Variants in TBL1X observed in about 807,000 individuals in gnomAD.
TBL1X encodes F-box-like/WD repeat-containing protein TBL1X.
In TBL1X, 10 loss-of-function variants were observed where a neutral mutation model predicts 50.7. That is an observed-to-expected ratio of 0.20 (90% confidence interval 0.12 to 0.33). The LOEUF (loss-of-function observed/expected upper bound fraction) is 0.33. TBL1X is among the 10% of genes least tolerant of loss of function. TBL1X has a pLI of 1.00. For missense variants in TBL1X, 340 were observed against 504.4 expected (o/e 0.67, Z 3.12); for synonymous variants, 190 against 214.7 (o/e 0.88, Z 1.01).
chrX:9,601,187 C>T (rs2082554742), intron 2 of TBL1X, among the ~76,000 whole-genome samples: 2 of 111,429 alleles, frequency 1.8e-5, no homozygotes, highest in Admixed American at 1.9e-4. Flanking sequence ...ACACTGCCCC[C>T]TTTTTCCAGC....
intron 5 of TBL1X, among the ~76,000 whole-genome samples, chrX:9,678,320 G>C (rs1029518278): frequency 1.8e-5 from 2 of 111,519 alleles, no homozygotes; most frequent in Non-Finnish European, 3.8e-5. Context: ...TGTGGTCTCT[G>C]TTGCACCTAC....
At chrX:9,669,054 G>C (rs1569092821) in intron 5 of TBL1X, among the ~76,000 whole-genome samples, 1 of 111,850 alleles carries the variant, frequency 8.9e-6, no homozygotes, top group Non-Finnish European at 1.9e-5. Context: ...GAAAAATTAT[G>C]TTTCAAAAAA....
chrX:9,710,219 A>G (rs1172918507), intron 15 of TBL1X, among the ~76,000 whole-genome samples: 1 of 51,181 alleles, frequency 2.0e-5, no homozygotes, highest in Non-Finnish European at 3.8e-5. Flanking sequence ...CATGTCTCAA[A>G]AAAAAAAAAA....
In TBL1X at chrX:9,627,765, C is replaced by T. The variant is rs150850323; in HGVS notation, c.-130-12508C>T. On this transcript the variant is annotated intron_variant, in intron 2 of 17. Transcript: ENST00000645353. ...CTTTCGTCTAAAACAATGAGAGCAC[C>T]CAACATGAAGCCAGGACTTGGGGTT... Among the ~76,000 whole-genome samples, 15 of 112,029 alleles carry T rather than the reference C, an allele frequency of 1.3e-4. No individual in the cohort carries two copies. The East Asian group carries it at 4.2e-3, about 32-fold the overall frequency.
At chrX:9,486,239 CTT>C (rs112431017) in intron 1 of TBL1X, among the ~76,000 whole-genome samples, 1 of 101,682 alleles carries the variant, frequency 9.8e-6, no homozygotes, top group Non-Finnish European at 2.0e-5. Flanking sequence ...TTGATAATAG[CTT>C]TTTTTTTTTT....
chrX:9,577,690 G>A (rs1010763740), intron 2 of TBL1X, among the ~76,000 whole-genome samples: 1 of 111,798 alleles, frequency 8.9e-6, no homozygotes, highest in African/African-American at 3.3e-5. Flanking sequence ...TTTCTATTCC[G>A]AAGACCAGCA....
At chrX:9,646,961 A>G (rs951570593) in intron 3 of TBL1X, among the ~76,000 whole-genome samples, 1 of 111,702 alleles carries the variant, frequency 9.0e-6, no homozygotes, top group African/African-American at 3.3e-5. Flanking sequence ...GTCCTTAACT[A>G]CCAGCACCAG....
At chrX:9,536,517 T>G (rs1428803310) in intron 2 of TBL1X, among the ~76,000 whole-genome samples, 1 of 111,643 alleles carries the variant, frequency 9.0e-6, no homozygotes, top group Admixed American at 9.5e-5. Flanking sequence ...CCGAAAGTGC[T>G]GGGATTACAG....
At position 9,709,140 on chromosome X, in the gene TBL1X, C is replaced by T. The variant is rs867375134; in HGVS notation, c.1237-108C>T. 122 of 760,899 alleles carry T rather than the reference C, an allele frequency of 1.6e-4. 1 individual carries two copies. In the Middle Eastern group the frequency reaches 6.9e-3, roughly 43 times the overall value. The allele number at this position is 760,899 out of a possible 1,213,427, so 62.7% of individuals were successfully genotyped here. ...GTGCCCTTTGATGTCAGGCTGAAGCCGAAGACCTTCTGCAGCGCCGGTGGC... is the reference window on the plus strand; with the variant it reads ...GTGCCCTTTGATGTCAGGCTGAAGCTGAAGACCTTCTGCAGCGCCGGTGGC... On this transcript the variant is annotated intron_variant, in intron 13 of 17. Coordinates refer to ENST00000645353, the MANE Select transcript of TBL1X (RefSeq NM_005647.4).
intron 2 of TBL1X, among the ~76,000 whole-genome samples, chrX:9,556,277 G>A (rs1316207801): frequency 9.0e-6 from 1 of 110,941 alleles, no homozygotes; most frequent in African/African-American, 3.3e-5. Flanking sequence ...AGAATGCAGT[G>A]GTGGGGGAGA....
chrX:9,711,690 C>G lies in TBL1X; in HGVS notation c.1519C>G (p.Pro507Ala). ...CTHTLTKHQE[P>A]VYSVAFSPDG... ...CCACACGCTCACGAAGCATCAGGAG[C>G]CTGTCTATAGCGTAGCTTTCAGCCC... Residue 507 changes from proline (P) to alanine (A), a missense_variant, in exon 16 of 18, where the codon CCT becomes GCT. Pro to Ala is a conservative substitution (Grantham distance 27). Coordinates refer to ENST00000645353, the MANE Select transcript of TBL1X (RefSeq NM_005647.4). 1 of 1,210,466 alleles carries G rather than the reference C, an allele frequency of 8.3e-7. No individual in the cohort carries two copies. The highest frequency in any genetic ancestry group is 1.8e-5 in the South Asian group (1 of 56,876).
chrX:9,603,516 C>T (rs577363491), intron 2 of TBL1X, among the ~76,000 whole-genome samples: 1 of 111,832 alleles, frequency 8.9e-6, no homozygotes, highest in South Asian at 3.8e-4. Flanking sequence ...CACAGAACAC[C>T]GAGGGACACG....
At chrX:9,660,712 G>C (rs1023453528) in intron 5 of TBL1X, among the ~76,000 whole-genome samples, 1 of 112,363 alleles carries the variant, frequency 8.9e-6, no homozygotes, top group African/African-American at 3.2e-5. Context: ...GGGCACTCTT[G>C]TTTTCCTAAA....
At chrX:9,694,611 C>G (rs991940868) in intron 11 of TBL1X, among the ~76,000 whole-genome samples, 2 of 110,610 alleles carry the variant, frequency 1.8e-5, no homozygotes, top group African/African-American at 3.3e-5. Context: ...CAAAACAAAA[C>G]AAGACAAAAC....
chrX:9,547,047 T>G (rs1019764182), intron 2 of TBL1X, among the ~76,000 whole-genome samples: 18 of 108,900 alleles, frequency 1.7e-4, no homozygotes, highest in Non-Finnish European at 2.9e-4. Context: ...CTCGATCTCC[T>G]GACCTCGTGA....
intron 5 of TBL1X, among the ~76,000 whole-genome samples, chrX:9,662,298 G>A (rs62583318): frequency 0.11 from 12,739 of 111,199 alleles, 773 homozygotes; most frequent in East Asian, 0.42. Flanking sequence ...ACACCTCAGC[G>A]GAAGCAACCC....
intron 2 of TBL1X, among the ~76,000 whole-genome samples, chrX:9,547,015 T>C (rs749197494): frequency 1.8e-4 from 19 of 107,031 alleles, no homozygotes; most frequent in Middle Eastern, 4.8e-3. Context: ...AGACGGGGTT[T>C]CACCGTGTTA....
At chrX:9,528,949 G>A (rs1191803295) in intron 2 of TBL1X, among the ~76,000 whole-genome samples, 3 of 111,798 alleles carry the variant, frequency 2.7e-5, no homozygotes, top group Admixed American at 9.4e-5. Flanking sequence ...TGCTATATCC[G>A]CGACACCAAA....
upstream of TBL1X, among the ~76,000 whole-genome samples, chrX:9,463,793 C>T (rs745687158): frequency 1.8e-5 from 2 of 112,427 alleles, no homozygotes; most frequent in East Asian, 5.6e-4. Flanking sequence ...ACTCGGGAGG[C>T]TGAGGCAGGG....
Sources: allele counts gnomAD v4.1 joint callset (sites outside exome capture counted in the v4.1 genomes callset), GRCh38; gene constraint gnomAD v4.1.1; transcripts MANE v1.5; gene names NCBI Gene and HGNC (gene_info 2026-07-23, HGNC 2026-07-21).